ERBB4: variants seen among roughly 807,000 people sequenced by gnomAD.
ERBB4 encodes the protein erb-b2 receptor tyrosine kinase 4.
Under a neutral mutation model 158.0 loss-of-function variants are expected in ERBB4, and 42 were observed. The observed-to-expected ratio is 0.27, with a 90% CI of 0.21 to 0.34. ERBB4 has a LOEUF of 0.34. Among genes scored for constraint, ERBB4 ranks in the 10% least tolerant of loss-of-function variants. The probability of loss-of-function intolerance (pLI) is 1.00; values close to 1 mark genes in which losing one functional copy is unlikely to be tolerated. For missense variants in ERBB4, 1,333 were observed against 1,624.1 expected, an observed-to-expected ratio of 0.82 and a Z score of 3.08; for synonymous variants, 583 against 558.7, an observed-to-expected ratio of 1.04 and a Z score of -0.61.
chr2:211,396,836 A>T (rs2062929654), intron 25 of ERBB4, among the ~76,000 whole-genome samples: 1 of 152,190 alleles, frequency 6.6e-6, no homozygotes, highest in South Asian at 2.1e-4. Flanking sequence ...ATAAAAAGTG[A>T]ATTTGTAACA....
At chr2:212,441,712 A>T (rs1277603742) in intron 1 of ERBB4, among the ~76,000 whole-genome samples, 1 of 152,034 alleles carries the variant, frequency 6.6e-6, no homozygotes, top group South Asian at 2.1e-4. Context: ...AGGTTCTAAT[A>T]GTTTATTTGC....
At chr2:212,516,017 G>A (rs1443760092) in intron 1 of ERBB4, among the ~76,000 whole-genome samples, 1 of 151,946 alleles carries the variant, frequency 6.6e-6, no homozygotes, top group Non-Finnish European at 1.5e-5. Flanking sequence ...ATCACTAAAT[G>A]TGTTGGTCCA....
intron 17 of ERBB4, among the ~76,000 whole-genome samples, chr2:211,628,216 G>A (rs970485691): frequency 4.8e-4 from 28 of 58,558 alleles, no homozygotes; most frequent in Non-Finnish European, 1.6e-3. Flanking sequence ...TGTGCACAAC[G>A]TGCAGGTTAG....
intron 5 of ERBB4, among the ~76,000 whole-genome samples, chr2:211,730,557 C>T (rs1049701986): frequency 6.6e-6 from 1 of 151,892 alleles, no homozygotes; most frequent in Non-Finnish European, 1.5e-5. Context: ...TATATTAGAT[C>T]AACTAACAGT....
chr2:211,417,899 A>T (rs2063428317), intron 25 of ERBB4, among the ~76,000 whole-genome samples: 1 of 152,182 alleles, frequency 6.6e-6, no homozygotes, highest in South Asian at 2.1e-4. Context: ...AAAGTAGAGT[A>T]ATAAAATTTG....
intron 1 of ERBB4, among the ~76,000 whole-genome samples, chr2:212,343,056 C>T (rs949741689): frequency 3.3e-5 from 5 of 152,110 alleles, no homozygotes; most frequent in Non-Finnish European, 7.4e-5. Flanking sequence ...CAGTGCTCAC[C>T]TAGAATTATG....
chr2:212,172,893 A>G (rs2081560872), intron 1 of ERBB4, among the ~76,000 whole-genome samples: 1 of 152,092 alleles, frequency 6.6e-6, no homozygotes, highest in South Asian at 2.1e-4. Context: ...GCACACGTTT[A>G]CCCATGTAAC....
chr2:212,195,937 T>C (rs751314190), intron 1 of ERBB4, among the ~76,000 whole-genome samples: 2 of 152,098 alleles, frequency 1.3e-5, no homozygotes, highest in Non-Finnish European at 2.9e-5. Context: ...CTTTTTAATT[T>C]AAGATAGTCC....
At position 212,488,085 on chromosome 2, in the gene ERBB4, GA is replaced by G. The variant is rs76693323; in HGVS notation, c.82+50363del. Among the ~76,000 whole-genome samples, 87 of 152,178 alleles carry G rather than the reference GA, an allele frequency of 5.7e-4. 2 individuals are homozygous for G. In the East Asian group the frequency reaches 0.015, roughly 27 times the overall value. The stretch of plus-strand genomic sequence containing the variant: ...GGCTTCTAACCCTACCATTTCACCT[GA>G]ATTGCTCCCAGTTCACTGATAACCT... On this transcript the variant is annotated intron_variant, in intron 1 of 27. Coordinates refer to ENST00000342788, the MANE Select transcript of ERBB4 (RefSeq NM_005235.3).
At chr2:212,165,427 T>C (rs1388703253) in intron 1 of ERBB4, among the ~76,000 whole-genome samples, 1 of 151,908 alleles carries the variant, frequency 6.6e-6, no homozygotes, top group African/African-American at 2.4e-5. Flanking sequence ...AAATCTCTGA[T>C]TTGCAGAGAG....
intron 16 of ERBB4, among the ~76,000 whole-genome samples, chr2:211,654,502 C>G (rs1277152583): frequency 6.6e-6 from 1 of 152,182 alleles, no homozygotes; most frequent in Admixed American, 6.5e-5. Context: ...TTTGATATAT[C>G]AATCCTGTAG....
At chr2:211,616,316 CTGTCT>C in intron 19 of ERBB4, among the ~76,000 whole-genome samples, 1 of 152,058 alleles carries the variant, frequency 6.6e-6, no homozygotes, top group Non-Finnish European at 1.5e-5. Flanking sequence ...ATTAGTTCTC[CTGTCT>C]TATTTCTAAA....
chr2:212,495,248 T>A (rs1575026284), intron 1 of ERBB4, among the ~76,000 whole-genome samples: 1 of 151,670 alleles, frequency 6.6e-6, no homozygotes, highest in Non-Finnish European at 1.5e-5. Context: ...GAAAGAGTAC[T>A]GTTCTTATGT....
chr2:212,158,025 T>C (rs1161738522), intron 1 of ERBB4, among the ~76,000 whole-genome samples: 2 of 152,084 alleles, frequency 1.3e-5, no homozygotes, highest in East Asian at 3.9e-4. Flanking sequence ...TTGGGATAAA[T>C]TAATAATAGT....
At chr2:211,879,861 T>C (rs1041825453) in intron 3 of ERBB4, among the ~76,000 whole-genome samples, 4 of 151,880 alleles carry the variant, frequency 2.6e-5, no homozygotes, top group East Asian at 1.9e-4. Flanking sequence ...TCTTGGATAA[T>C]TGGAAAGAGA....
In ERBB4 at chr2:211,600,771, TG is replaced by T. The variant is rs372582534; in HGVS notation, c.2301+18405del. Among the ~76,000 whole-genome samples the T allele has an allele frequency of 3.9e-4, 59 of 152,268 alleles. 1 individual carries two copies. In the East Asian group the frequency reaches 7.9e-3, roughly 20 times the overall value. On this transcript the variant is annotated intron_variant, in intron 19 of 27. Transcript: ENST00000342788. ...GTAAAAATAACTTTTTGTTTCTTTT[TG>T]GTTTTTTTTGAATGTCCACATGGTG... is the stretch of plus-strand genomic sequence containing the variant.
intron 2 of ERBB4, among the ~76,000 whole-genome samples, chr2:212,119,251 C>G (rs949268073): frequency 2.0e-5 from 3 of 152,128 alleles, no homozygotes; most frequent in Non-Finnish European, 4.4e-5. Flanking sequence ...GGTGTTAACA[C>G]TCACTATATG....
intron 2 of ERBB4, among the ~76,000 whole-genome samples, chr2:211,955,138 G>A (rs183229564): frequency 6.0e-4 from 92 of 152,194 alleles, no homozygotes; most frequent in Admixed American, 2.5e-3. Flanking sequence ...TAATACTCAA[G>A]AGGTAGGAAA....
At chr2:212,156,105 G>A (rs1393156762) in intron 1 of ERBB4, among the ~76,000 whole-genome samples, 5 of 152,108 alleles carry the variant, frequency 3.3e-5, no homozygotes, top group Non-Finnish European at 5.9e-5. Flanking sequence ...CCTGGGTCTT[G>A]TACTCATTCA....
Sources: allele counts gnomAD v4.1 joint callset (sites outside exome capture counted in the v4.1 genomes callset), GRCh38; gene constraint gnomAD v4.1.1; transcripts MANE v1.5; gene names NCBI Gene and HGNC (gene_info 2026-07-23, HGNC 2026-07-21).